The following SUMF1 variants were observed in gnomAD, a reference collection of about 807,000 sequenced individuals.
SUMF1 encodes formylglycine-generating enzyme.
SUMF1 carries 48 observed loss-of-function variants against 47.6 expected under a neutral mutation model. The ratio of observed to expected loss-of-function variants is 1.01; its 90% CI spans 0.80 to 1.28. The LOEUF is 1.28. SUMF1 is among the 50% of genes most tolerant of loss of function. SUMF1 has a pLI of 0.00. For synonymous variants in SUMF1, 230 were observed against 192.1 expected (o/e 1.20, Z -1.63); for missense variants, 571 against 485.4 (o/e 1.18, Z -1.66).
At chr3:4,246,088 G>A (rs1361403407) in intron 8 of SUMF1, among the ~76,000 whole-genome samples, 5 of 152,168 alleles carry the variant, frequency 3.3e-5, no homozygotes, top group Non-Finnish European at 7.3e-5. Context: ...GGAATCTCCT[G>A]GTCTTCCGGT....
intron 8 of SUMF1, among the ~76,000 whole-genome samples, chr3:4,227,113 T>A (rs947467045): frequency 3.9e-5 from 6 of 152,066 alleles, no homozygotes; most frequent in African/African-American, 1.4e-4. Flanking sequence ...ATTCTACCAA[T>A]CATTCAAATG....
intron 8 of SUMF1, among the ~76,000 whole-genome samples, chr3:4,234,239 T>C (rs1199066498): frequency 6.6e-6 from 1 of 151,660 alleles, no homozygotes; most frequent in Non-Finnish European, 1.5e-5. Flanking sequence ...AATAATTATA[T>C]AATTTTTATA....
intron 8 of SUMF1, among the ~76,000 whole-genome samples, chr3:4,343,238 C>T (rs887594592): frequency 1.3e-5 from 2 of 152,142 alleles, no homozygotes; most frequent in African/African-American, 4.8e-5. Flanking sequence ...TTAACTTTCA[C>T]GAGTAAGTGA....
At chr3:4,145,191 T>TAAAAA (rs35699553) in intron 8 of SUMF1, among the ~76,000 whole-genome samples, 3 of 90,488 alleles carry the variant, frequency 3.3e-5, no homozygotes, top group African/African-American at 8.3e-5. Flanking sequence ...AAACTCCGTC[T>TAAAAA]AAAAAAAAAA....
At chr3:4,252,180 C>G (rs1244772938) in intron 8 of SUMF1, among the ~76,000 whole-genome samples, 2 of 152,134 alleles carry the variant, frequency 1.3e-5, no homozygotes, top group African/African-American at 2.4e-5. Flanking sequence ...TTCTAATCTA[C>G]AAAATATACT....
rs1273471516 is a variant in SUMF1 at position 4,034,628 on chromosome 3, A to C, written c.1191+33941T>G. On this transcript the variant is annotated intron_variant and NMD_transcript_variant, in intron 9 of 12. Transcript: ENST00000448413. ...TTTGAGAAACCCTTTGTAGAGACTTACATGGGTATCCAGAGGTAAGTCAGG... is the reference window on the plus strand; with the variant it reads ...TTTGAGAAACCCTTTGTAGAGACTTCCATGGGTATCCAGAGGTAAGTCAGG... Among the ~76,000 whole-genome samples the C allele has an allele frequency of 3.9e-5, 6 of 152,242 alleles. No individual in the cohort carries two copies. In the East Asian group the frequency reaches 1.2e-3, roughly 30 times the overall value.
chr3:4,211,994 G>C (rs1695809067), intron 8 of SUMF1, among the ~76,000 whole-genome samples: 1 of 152,166 alleles, frequency 6.6e-6, no homozygotes, highest in Non-Finnish European at 1.5e-5. Context: ...GGGTGGCTGT[G>C]GGCACAGCTT....
intron 8 of SUMF1, among the ~76,000 whole-genome samples, chr3:4,366,475 A>G (rs1163400039): frequency 1.3e-5 from 2 of 151,116 alleles, no homozygotes; most frequent in Non-Finnish European, 2.9e-5. Flanking sequence ...TTCATCTTCC[A>G]TCACTGATAC....
intron 8 of SUMF1, among the ~76,000 whole-genome samples, chr3:4,161,671 A>T (rs1291584591): frequency 8.6e-5 from 13 of 151,868 alleles, no homozygotes; most frequent in Non-Finnish European, 1.0e-4. Context: ...GAATGCTGCC[A>T]GGCCTGACAC....
At chr3:4,391,700 C>G (rs1180264982) in intron 7 of SUMF1, among the ~76,000 whole-genome samples, 1 of 152,156 alleles carries the variant, frequency 6.6e-6, no homozygotes, top group Non-Finnish European at 1.5e-5. Context: ...CCAGGCTGGT[C>G]TCGAACTCCT....
intron 7 of SUMF1, among the ~76,000 whole-genome samples, chr3:4,387,571 TC>T (rs757948036): frequency 7.2e-5 from 11 of 152,076 alleles, no homozygotes; most frequent in Non-Finnish European, 1.5e-4. Flanking sequence ...TCTCTGTTTT[TC>T]TGTTGTCTAT....
At chr3:4,071,206 C>T (rs2125036427) in intron 8 of SUMF1, among the ~76,000 whole-genome samples, 1 of 133,618 alleles carries the variant, frequency 7.5e-6, no homozygotes, top group African/African-American at 2.8e-5. Flanking sequence ...AGGAACAGCT[C>T]CAGTCTGCAG....
At chr3:4,392,554 ATCT>A (rs911771693) in intron 7 of SUMF1, among the ~76,000 whole-genome samples, 58 of 149,640 alleles carry the variant, frequency 3.9e-4, no homozygotes, top group African/African-American at 1.4e-3. Flanking sequence ...TACATATATA[ATCT>A]TAAATAATCT....
At chr3:4,078,039 C>T (rs1204976726) in intron 8 of SUMF1, among the ~76,000 whole-genome samples, 2 of 152,046 alleles carry the variant, frequency 1.3e-5, no homozygotes, top group Non-Finnish European at 2.9e-5. Context: ...CTGGGACTCA[C>T]AAATTATGTA....
At chr3:4,184,378 C>T (rs1443345611) in intron 8 of SUMF1, among the ~76,000 whole-genome samples, 2 of 151,816 alleles carry the variant, frequency 1.3e-5, no homozygotes, top group East Asian at 3.9e-4. Context: ...ATCGCTTGAA[C>T]CCAGGAGACG....
rs35397535 is a variant in SUMF1, at chr3:4,415,226, CAA to C, written c.840+1900_840+1901del. Among the ~76,000 whole-genome samples the C allele has an allele frequency of 3.8e-3, 300 of 78,284 alleles. 1 individual carries two copies. The highest frequency in any genetic ancestry group is 0.012 in the African/African-American group (264 of 21,662). 51.4% of individuals were successfully genotyped at this position (78,284 alleles called of 152,430 possible). On this transcript the variant is annotated intron_variant, in intron 6 of 8. Transcript: ENST00000272902. ...TCGGCAACAGAGTAAGACTCCATCT[CAA>C]AAAAAAAAAAAAAAAAACAGACAGA...
chr3:4,085,429 T>C (rs1050868791), intron 8 of SUMF1, among the ~76,000 whole-genome samples: 1 of 152,054 alleles, frequency 6.6e-6, no homozygotes, highest in Non-Finnish European at 1.5e-5. Context: ...TGATGATCTT[T>C]CTTCATCTTT....
At chr3:4,322,716 G>A (rs1322293127) in intron 8 of SUMF1, among the ~76,000 whole-genome samples, 1 of 151,960 alleles carries the variant, frequency 6.6e-6, no homozygotes, top group Admixed American at 6.6e-5. Context: ...CAAGGATGTG[G>A]AGAAAGTGGA....
At position 4,420,073 on chromosome 3, in the gene SUMF1, A is replaced by T; in HGVS notation, c.593T>A (p.Ile198Asn). The change falls in exon 4 of 9, where the codon ATT becomes AAT. Residue 198 changes from isoleucine (I) to asparagine (N), a missense_variant. Physicochemically the swap from Ile to Asn is moderately radical, Grantham distance 149. Transcript: ENST00000272902. ...WRHPEGPDST[I>N]LHRPDHPVLH... ...GAGGGACCAGCCTCACCTGTGCAGA[A>T]TAGTAGAGTCAGGCCCTTCTGGGTG... 1 of 1,614,064 alleles carries T rather than the reference A, an allele frequency of 6.2e-7. No homozygotes were observed. Among genetic ancestry groups the T allele is most frequent in the Non-Finnish European group, 8.5e-7 (1 of 1,179,922 alleles).
Sources: gnomAD v4.1 joint callset for allele counts (sites outside exome capture counted in the v4.1 genomes callset) on GRCh38, gnomAD v4.1.1 for gene constraint, MANE v1.5 for transcripts, NCBI Gene and HGNC (gene_info 2026-07-23, HGNC 2026-07-21) for gene names.